KSR2: variants seen among roughly 807,000 people sequenced by gnomAD.
The protein encoded by KSR2 is kinase suppressor of ras 2.
A neutral mutation model predicts 107.8 loss-of-function variants in KSR2; 25 were observed. That is an observed-to-expected ratio of 0.23 (90% CI 0.17 to 0.32). KSR2 has a LOEUF of 0.32. KSR2 is among the 10% of genes least tolerant of loss of function. The pLI, the probability that KSR2 is intolerant of heterozygous loss-of-function variation, is 1.00. For synonymous variants in KSR2, 480 were observed against 507.0 expected (o/e 0.95, Z 0.71); for missense variants, 887 against 1,268.9 (o/e 0.70, Z 4.57).
intron 4 of KSR2, among the ~76,000 whole-genome samples, chr12:117,729,159 C>A (rs1887562017): frequency 2.0e-5 from 3 of 149,154 alleles, no homozygotes; most frequent in Admixed American, 2.0e-4. Context: ...TTTTTTTTAC[C>A]AGTAAGAAAT....
intron 4 of KSR2, among the ~76,000 whole-genome samples, chr12:117,684,312 G>A (rs1163560097): frequency 3.3e-5 from 5 of 152,302 alleles, no homozygotes; most frequent in Admixed American, 3.3e-4. Flanking sequence ...GGAAGGCAGG[G>A]GTTGTGTTTA....
chr12:117,937,408 A>ATTACTATTATTATCATTATGAAGTG (rs1215532135), intron 1 of KSR2, among the ~76,000 whole-genome samples: 3 of 151,762 alleles, frequency 2.0e-5, no homozygotes, highest in Non-Finnish European at 4.4e-5. Context: ...TATTATTATT[A>ATTACTATTATTATCATTATGAAGTG]TTACTATTAT....
intron 1 of KSR2, among the ~76,000 whole-genome samples, chr12:117,865,144 G>T (rs1296849287): frequency 6.6e-6 from 1 of 152,014 alleles, no homozygotes; most frequent in Non-Finnish European, 1.5e-5. Context: ...TTCTTTAAAA[G>T]CCAAATATAT....
chr12:117,614,107 T>C (rs1881748575), intron 5 of KSR2, among the ~76,000 whole-genome samples: 1 of 152,238 alleles, frequency 6.6e-6, no homozygotes, highest in Admixed American at 6.5e-5. Context: ...TACATATATG[T>C]ACTGATACTA....
chr12:117,957,444 C>T (rs1399541303), intron 1 of KSR2, among the ~76,000 whole-genome samples: 2 of 152,260 alleles, frequency 1.3e-5, no homozygotes, highest in East Asian at 3.9e-4. Flanking sequence ...TCTCCATCCT[C>T]CTTCCTGGCC....
intron 4 of KSR2, among the ~76,000 whole-genome samples, chr12:117,734,564 C>A (rs1026848528): frequency 6.6e-6 from 1 of 152,274 alleles, no homozygotes; most frequent in South Asian, 2.1e-4. Flanking sequence ...TCAGCCCCAT[C>A]GCTCCCTCTT....
intron 4 of KSR2, among the ~76,000 whole-genome samples, chr12:117,747,421 C>T (rs1042945016): frequency 1.2e-4 from 11 of 91,488 alleles, no homozygotes; most frequent in South Asian, 1.2e-3. Context: ...CAACACACAC[C>T]GGGGCCTGTT....
intron 5 of KSR2, among the ~76,000 whole-genome samples, chr12:117,622,590 C>T (rs1882253412): frequency 6.6e-6 from 1 of 152,028 alleles, no homozygotes; most frequent in Non-Finnish European, 1.5e-5. Flanking sequence ...ACAAAGGTAA[C>T]ACCAGATCTA....
At chr12:117,695,606 G>T (rs1302627872) in intron 4 of KSR2, among the ~76,000 whole-genome samples, 1 of 151,854 alleles carries the variant, frequency 6.6e-6, no homozygotes, top group East Asian at 1.9e-4. Flanking sequence ...AGCTACTTGG[G>T]GGGCTGAGGT....
chr12:117,565,766 A>G (rs149392720), intron 7 of KSR2, among the ~76,000 whole-genome samples: 127 of 152,310 alleles, frequency 8.3e-4, no homozygotes, highest in African/African-American at 3.0e-3. Flanking sequence ...TTCATTCTTC[A>G]GAAAACAGAA....
At chr12:117,620,128 T>C (rs530768699) in intron 5 of KSR2, among the ~76,000 whole-genome samples, 1 of 152,094 alleles carries the variant, frequency 6.6e-6, no homozygotes, top group Non-Finnish European at 1.5e-5. Flanking sequence ...GATGAGAAAA[T>C]GGAGAATTGG....
At position 117,778,391 on chromosome 12, in the gene KSR2, G is replaced by A. The variant is rs565652820; in HGVS notation, c.473-16867C>T. 4.4e-4 allele frequency among the ~76,000 whole-genome samples: 67 copies of A among 152,238 alleles called. 1 individual carries two copies. The highest frequency in any genetic ancestry group is 1.6e-3 in the Admixed American group (24 of 15,280). ...CAGGAGTGAGCTACTGCACCCGGCC[G>A]AAACAATCCTTGAACAGTCATAAAT... On this transcript the variant is annotated intron_variant, in intron 3 of 19. Coordinates refer to ENST00000339824, the MANE Select transcript of KSR2 (RefSeq NM_173598.6).
rs996258106 is a variant in KSR2, at chr12:117,531,642, G to A, written c.1729+24C>T. 3 of 1,599,918 alleles carry A rather than the reference G, an allele frequency of 1.9e-6. No homozygotes were observed. In the African/African-American group the frequency reaches 4.0e-5, roughly 22 times the overall value. On this transcript the variant is annotated intron_variant, in intron 11 of 19. Coordinates refer to ENST00000339824, the MANE Select transcript of KSR2 (RefSeq NM_173598.6). ...CAGCGGGGCTTGTTCAGAAGGGGCT[G>A]CTTCCAGCTCACATGAAACTCACCT...
At chr12:117,741,200 T>C (rs1888205519) in intron 4 of KSR2, among the ~76,000 whole-genome samples, 1 of 151,834 alleles carries the variant, frequency 6.6e-6, no homozygotes, top group African/African-American at 2.4e-5. Context: ...TTGAATGAAA[T>C]AAGAATCTAT....
At chr12:117,523,423 G>A (rs1874895593) in intron 14 of KSR2, among the ~76,000 whole-genome samples, 1 of 152,096 alleles carries the variant, frequency 6.6e-6, no homozygotes. Flanking sequence ...ATGTTACAGG[G>A]GAGTCAGCGC....
chr12:117,658,881 A>G (rs1369462419), intron 5 of KSR2, among the ~76,000 whole-genome samples: 1 of 152,110 alleles, frequency 6.6e-6, no homozygotes, highest in Non-Finnish European at 1.5e-5. Context: ...TGAAGGCGTT[A>G]TGGTTTTTAG....
At chr12:117,962,190 AAGG>A (rs1390198126) in intron 1 of KSR2, among the ~76,000 whole-genome samples, 3 of 151,506 alleles carry the variant, frequency 2.0e-5, no homozygotes, top group Non-Finnish European at 4.4e-5. Flanking sequence ...CTTGCTATAC[AAGG>A]AGATTCCATA....
chr12:117,800,128 C>G (rs1329470698), intron 3 of KSR2, among the ~76,000 whole-genome samples: 3 of 152,180 alleles, frequency 2.0e-5, no homozygotes, highest in Non-Finnish European at 4.4e-5. Context: ...CCAAACACCA[C>G]CTGTGACTAG....
intron 4 of KSR2, among the ~76,000 whole-genome samples, chr12:117,701,602 G>T (rs7137798): frequency 6.6e-6 from 1 of 152,092 alleles, no homozygotes; most frequent in African/African-American, 2.4e-5. Context: ...CCTTATAGAC[G>T]TAATTAAGTT....
Sources: gnomAD v4.1 joint callset for allele counts (sites outside exome capture counted in the v4.1 genomes callset) on GRCh38, gnomAD v4.1.1 for gene constraint, MANE v1.5 for transcripts, NCBI Gene and HGNC (gene_info 2026-07-23, HGNC 2026-07-21) for gene names.